Variants in CSMD1 observed in about 807,000 individuals in gnomAD.
CSMD1 encodes the protein CUB and Sushi multiple domains 1.
In CSMD1, 213 loss-of-function variants were observed where a neutral mutation model predicts 417.5. The ratio of observed to expected loss-of-function variants is 0.51; its 90% CI spans 0.46 to 0.57. The LOEUF (loss-of-function observed/expected upper bound fraction) is 0.57. Among genes scored for constraint, CSMD1 ranks in the 20% least tolerant of loss-of-function variants. CSMD1 has a pLI of 0.00. For synonymous variants in CSMD1, 2,862 were observed against 1,736.8 expected (o/e 1.65, Z -16.11); for missense variants, 6,923 against 4,529.7 (o/e 1.53, Z -15.17).
intron 5 of CSMD1, among the ~76,000 whole-genome samples, chr8:3,990,354 C>G (rs765758497): frequency 2.0e-5 from 3 of 152,054 alleles, no homozygotes; most frequent in Non-Finnish European, 2.9e-5. Context: ...AAATATTACA[C>G]CAGAACTGTA....
chr8:4,608,161 G>A (rs1305623550), intron 2 of CSMD1, among the ~76,000 whole-genome samples: 1 of 152,088 alleles, frequency 6.6e-6, no homozygotes, highest in Non-Finnish European at 1.5e-5. Context: ...GGGGACCCTA[G>A]GAGTCTTTTC....
intron 3 of CSMD1, among the ~76,000 whole-genome samples, chr8:4,143,611 C>A (rs1481938826): frequency 6.6e-6 from 1 of 151,024 alleles, no homozygotes; most frequent in Non-Finnish European, 1.5e-5. Context: ...ATGCCCATGG[C>A]ACTCTGAGGG....
At chr8:4,180,275 T>C (rs959684883) in intron 3 of CSMD1, among the ~76,000 whole-genome samples, 1 of 151,876 alleles carries the variant, frequency 6.6e-6, no homozygotes, top group Non-Finnish European at 1.5e-5. Context: ...ATGTCCTTTG[T>C]AGGGATATGG....
intron 62 of CSMD1, among the ~76,000 whole-genome samples, chr8:2,959,089 G>T (rs149170542): frequency 5.3e-5 from 8 of 152,190 alleles, no homozygotes; most frequent in Admixed American, 4.6e-4. Flanking sequence ...ACTCTTGATT[G>T]ATTGATTGAT....
chr8:3,307,624 A>T, intron 25 of CSMD1, 71 bp downstream of exon 25: 1 of 1,486,644 alleles, frequency 6.7e-7, no homozygotes, highest in Non-Finnish European at 9.2e-7. Context: ...TTGGTGTACC[A>T]CTATCTCTGC....
chr8:3,473,660 T>C (rs1817237623), intron 11 of CSMD1, among the ~76,000 whole-genome samples: 1 of 152,120 alleles, frequency 6.6e-6, no homozygotes, highest in South Asian at 2.1e-4. Context: ...TTAAATACAG[T>C]AGGTGCTCAA....
chr8:3,372,354 T>A (rs1369454546), intron 18 of CSMD1, among the ~76,000 whole-genome samples: 1 of 151,998 alleles, frequency 6.6e-6, no homozygotes, highest in Non-Finnish European at 1.5e-5. Context: ...TTTCTTTCAG[T>A]GACATGATGG....
At chr8:4,463,693 T>G (rs1467787095) in intron 2 of CSMD1, among the ~76,000 whole-genome samples, 1 of 152,150 alleles carries the variant, frequency 6.6e-6, no homozygotes. Context: ...ATGTCCAGAA[T>G]AGGCCAATCC....
intron 62 of CSMD1, 77 bp from the exon 63 acceptor site, chr8:2,957,884 A>C: frequency 1.0e-6 from 1 of 970,662 alleles, no homozygotes. Flanking sequence ...CTGAAAGTAC[A>C]CGCCCGAGTA....
At chr8:3,090,419 A>C (rs1015381594) in intron 48 of CSMD1, among the ~76,000 whole-genome samples, 4 of 152,034 alleles carry the variant, frequency 2.6e-5, no homozygotes, top group Admixed American at 2.0e-4. Flanking sequence ...CTTTGCAGCA[A>C]AGGTCTGAGT....
At chr8:3,987,210 A>G (rs2130248353) in intron 5 of CSMD1, among the ~76,000 whole-genome samples, 2 of 152,250 alleles carry the variant, frequency 1.3e-5, no homozygotes, top group East Asian at 3.9e-4. Context: ...CGTGCCCACA[A>G]CAGCAGCACG....
chr8:3,672,195 A>G (rs996508823), intron 7 of CSMD1, among the ~76,000 whole-genome samples: 2 of 152,168 alleles, frequency 1.3e-5, no homozygotes, highest in African/African-American at 4.8e-5. Context: ...AAGTTTGATG[A>G]AATTGACTGA....
chr8:3,671,645 G>T (rs73183303), intron 7 of CSMD1, among the ~76,000 whole-genome samples: 20,805 of 139,874 alleles, frequency 0.15, 1,894 homozygotes, highest in South Asian at 0.21. Context: ...ATCTATTTAG[G>T]CTTCACAAGC....
intron 1 of CSMD1, among the ~76,000 whole-genome samples, chr8:4,980,451 G>T (rs148000794): frequency 6.6e-6 from 1 of 152,210 alleles, no homozygotes; most frequent in Non-Finnish European, 1.5e-5. Context: ...AGGCGAGGAG[G>T]CTTTCAAGAG....
intron 8 of CSMD1, among the ~76,000 whole-genome samples, chr8:3,589,089 G>C (rs1800730023): frequency 6.6e-6 from 1 of 152,114 alleles, no homozygotes; most frequent in Non-Finnish European, 1.5e-5. Context: ...ATAAGTGTTG[G>C]TGAGGATGTG....
chr8:4,070,797 C>A lies in CSMD1; in HGVS notation c.416-38698G>T, dbSNP rs1799515781. Among the ~76,000 whole-genome samples, 4 of 152,188 alleles carry A rather than the reference C, an allele frequency of 2.6e-5. No homozygotes were observed. In the South Asian group the frequency reaches 8.3e-4, roughly 31 times the overall value. On this transcript the variant is annotated intron_variant, in intron 3 of 69. Transcript: ENST00000635120. ...ACCCTCTCATAAGCTGTCATAGCTT[C>A]CTCTGATTTTCTGACTCACCCTCAT...
chr8:4,631,825 CCG>C (rs1374240399), intron 2 of CSMD1, among the ~76,000 whole-genome samples: 1 of 152,090 alleles, frequency 6.6e-6, no homozygotes, highest in Non-Finnish European at 1.5e-5. Context: ...GTTAGAAAGA[CCG>C]ACGAACTCGA....
intron 5 of CSMD1, among the ~76,000 whole-genome samples, chr8:3,757,422 A>G (rs1312521002): frequency 6.6e-6 from 1 of 152,176 alleles, no homozygotes; most frequent in Non-Finnish European, 1.5e-5. Context: ...TTTAATTTTT[A>G]TACAATTTTT....
At chr8:3,805,781 G>C (rs74921500) in intron 5 of CSMD1, among the ~76,000 whole-genome samples, 3,608 of 152,098 alleles carry the variant, frequency 0.024, 53 homozygotes, top group African/African-American at 0.043. Context: ...CCCAGTCTTT[G>C]TGAGTCATCT....
Sources: allele counts gnomAD v4.1 joint callset (sites outside exome capture counted in the v4.1 genomes callset), GRCh38; gene constraint gnomAD v4.1.1; transcripts MANE v1.5; gene names NCBI Gene and HGNC (gene_info 2026-07-23, HGNC 2026-07-21).